The following SGCG variants were observed in gnomAD, a reference collection of about 807,000 sequenced individuals.
SGCG encodes sarcoglycan gamma.
In SGCG, 26 loss-of-function variants were observed where a neutral mutation model predicts 29.3. The observed-to-expected ratio is 0.89, with a 90% CI of 0.65 to 1.23. The LOEUF (loss-of-function observed/expected upper bound fraction) is 1.23, where lower values mean the gene tolerates loss of function less well. SGCG is among the 50% of genes most tolerant of loss of function. SGCG has a pLI of 0.00. For synonymous variants in SGCG, 145 were observed against 129.7 expected (o/e 1.12, Z -0.80); for missense variants, 353 against 356.0 (o/e 0.99, Z 0.07).
intron 7 of SGCG, among the ~76,000 whole-genome samples, chr13:23,322,813 G>C (rs190165181): frequency 4.3e-4 from 58 of 136,114 alleles, no homozygotes; most frequent in African/African-American, 1.5e-3. Flanking sequence ...ACGTGGTGCC[G>C]CGGGCAGAGG....
In SGCG at chr13:23,305,747, G is replaced by A. The variant is rs552001789; in HGVS notation, c.578+10260G>A. Among the ~76,000 whole-genome samples the A allele has an allele frequency of 2.1e-3, 325 of 152,298 alleles. 1 individual carries two copies. The highest frequency in any genetic ancestry group is 3.4e-3 in the Middle Eastern group (1 of 294). ...ACAGTCTTTAGTAATTACAGAGATA[G>A]TCATGTATGTCTCTTAGATATATTA... On this transcript the variant is annotated intron_variant, in intron 6 of 7. Coordinates refer to ENST00000218867, the MANE Select transcript of SGCG (RefSeq NM_000231.3).
chr13:23,311,817 T>C (rs549388805), intron 6 of SGCG, among the ~76,000 whole-genome samples: 2 of 152,354 alleles, frequency 1.3e-5, no homozygotes, highest in South Asian at 4.1e-4. Context: ...AATAGATTTT[T>C]TTCATTGAAA....
the SGCG span, among the ~76,000 whole-genome samples, chr13:23,164,796 CT>C: frequency 6.6e-6 from 1 of 152,178 alleles, no homozygotes; most frequent in Non-Finnish European, 1.5e-5. Context: ...GCCAGCCCTG[CT>C]CCCTACCACT....
intron 5 of SGCG, among the ~76,000 whole-genome samples, chr13:23,285,435 C>A (rs892341170): frequency 3.9e-5 from 6 of 152,160 alleles, no homozygotes; most frequent in Admixed American, 6.5e-5. Flanking sequence ...ACTCAAACCT[C>A]AGTAATGGTG....
chr13:23,274,395 C>CTCTT (rs1377323937), intron 4 of SGCG, among the ~76,000 whole-genome samples: 11 of 85,228 alleles, frequency 1.3e-4, no homozygotes, highest in Non-Finnish European at 1.9e-4. Context: ...CTTTCTTTCT[C>CTCTT]TTTTTTTTTT....
At chr13:23,320,841 T>A in intron 7 of SGCG, 81 bp downstream of exon 7, 1 of 1,420,664 alleles carries the variant, frequency 7.0e-7, no homozygotes, top group Non-Finnish European at 9.9e-7. Flanking sequence ...CTATCAGTAT[T>A]AAATTTCTAG....
chr13:23,232,105 C>A (rs9510640), intron 2 of SGCG, among the ~76,000 whole-genome samples: 2 of 149,152 alleles, frequency 1.3e-5, no homozygotes, highest in African/African-American at 4.9e-5. Flanking sequence ...GGAGACAGAG[C>A]GAGATTCCAT....
chr13:23,310,078 CTTTTTTTTTTTTTT>C (rs144258130), intron 6 of SGCG, among the ~76,000 whole-genome samples: 1 of 60,780 alleles, frequency 1.6e-5, no homozygotes, highest in African/African-American at 6.8e-5. Context: ...TTGTTTTTCT[CTTTTTTTTTTTTTT>C]TTTTTTTTTT....
rs150910865 is a variant in SGCG, at chr13:23,241,820, T to C, written c.297+7108T>C. ...AACACCATACATCACATCAATAGAA[T>C]GAAGGACAAAAACCATTTGGTCATC... On this transcript the variant is annotated intron_variant, in intron 3 of 7. Transcript: ENST00000218867. 5.8e-4 allele frequency among the ~76,000 whole-genome samples: 88 copies of C among 152,172 alleles called. No homozygotes were observed. The East Asian group carries it at 0.013, about 23-fold the overall frequency.
rs1201131052 is a variant in SGCG at position 23,192,174 on chromosome 13, CAA to C, written c.-1+11115_-1+11116del. Among the ~76,000 whole-genome samples, 71 of 112,820 alleles carry C rather than the reference CAA, an allele frequency of 6.3e-4. 1 individual carries two copies. The highest frequency in any genetic ancestry group is 2.6e-3 in the South Asian group (10 of 3,844). The allele number at this position is 112,820 out of a possible 152,430, so 74.0% of individuals were successfully genotyped here. ...TGGGCGACAGAGTGAGACTGCGTCC[CAA>C]AAAAAAAAAAAAAAATGAAGGAAGT... On this transcript the variant is annotated intron_variant, in intron 1 of 7. Transcript: ENST00000218867.
At chr13:23,228,951 A>T (rs1593185186) in intron 2 of SGCG, among the ~76,000 whole-genome samples, 1 of 150,914 alleles carries the variant, frequency 6.6e-6, no homozygotes, top group Admixed American at 6.6e-5. Context: ...GCTCACTGCA[A>T]CCTCCACCTC....
At position 23,324,481 on chromosome 13, in the gene SGCG, G is replaced by T. The variant is rs2137534248; in HGVS notation, c.816G>T (p.Leu272=). The stretch of plus-strand genomic sequence containing the variant: ...TCTGTGTGTGTCCAGATGGGAAGCT[G>T]TACCTGTCTGTGGCCGGTGTGAGCA... ...YEICVCPDGK[L]YLSVAGVSTT... The change falls in exon 8 of 8, where the codon CTG becomes CTT. Residue 272 remains leucine, a synonymous_variant. Coordinates refer to ENST00000218867, the MANE Select transcript of SGCG (RefSeq NM_000231.3). 6.2e-7 allele frequency: 1 copy of T among 1,613,776 alleles called. No individual in the cohort carries two copies. Among genetic ancestry groups the T allele is most frequent in the East Asian group, 2.2e-5 (1 of 44,860 alleles).
chr13:23,268,275 G>A (rs949527239), intron 4 of SGCG: 3 of 152,194 alleles, frequency 2.0e-5, no homozygotes, highest in African/African-American at 7.2e-5. Flanking sequence ...GGGGTGTCAT[G>A]ACAGTAGGAA....
chr13:23,309,146 G>T (rs1195443414), intron 6 of SGCG, among the ~76,000 whole-genome samples: 2 of 151,954 alleles, frequency 1.3e-5, no homozygotes, highest in African/African-American at 4.8e-5. Flanking sequence ...AATTTTCAAA[G>T]TGATTATTAT....
intron 2 of SGCG, among the ~76,000 whole-genome samples, chr13:23,223,705 T>G (rs1432402865): frequency 6.6e-6 from 1 of 152,184 alleles, no homozygotes; most frequent in East Asian, 1.9e-4. Context: ...GGCTCATGCC[T>G]GTAATCCCAG....
intron 2 of SGCG, among the ~76,000 whole-genome samples, chr13:23,223,483 ATAAAATTT>A (rs1878767313): frequency 6.6e-6 from 1 of 152,186 alleles, no homozygotes; most frequent in Non-Finnish European, 1.5e-5. Context: ...GTTAAAAAGA[ATAAAATTT>A]TAAAGATTAG....
Position 23,279,709 on chromosome 13 carries a change from C to CCCTTCCTTCCTTCCTTCCTTCCTTCCTT in SGCG, c.505+242_505+243insTCCTTCCTTCCTTCCTTCCTTCCTTCCT, listed in dbSNP as rs146797198. On this transcript the variant is annotated intron_variant, in intron 5 of 7. Transcript: ENST00000218867. ...CTTCCATCACAGTTTTACCCTTTGT[C>CCCTTCCTTCCTTCCTTCCTTCCTTCCTT]CCTTCCTTCCTCCCTTCCTTCTTTT... Among the ~76,000 whole-genome samples the CCCTTCCTTCCTTCCTTCCTTCCTTCCTT allele has an allele frequency of 5.7e-3, 848 of 148,136 alleles. 13 individuals are homozygous for CCCTTCCTTCCTTCCTTCCTTCCTTCCTT. Among genetic ancestry groups the CCCTTCCTTCCTTCCTTCCTTCCTTCCTT allele is most frequent in the African/African-American group, 0.017 (705 of 40,996 alleles).
At chr13:23,255,022 G>T (rs1165826743) in intron 4 of SGCG, among the ~76,000 whole-genome samples, 4 of 152,238 alleles carry the variant, frequency 2.6e-5, no homozygotes, top group African/African-American at 9.6e-5. Context: ...CAAAGATACT[G>T]TACTAGAACA....
At chr13:23,218,275 T>C (rs1045677029) in intron 2 of SGCG, among the ~76,000 whole-genome samples, 3 of 152,188 alleles carry the variant, frequency 2.0e-5, no homozygotes, top group African/African-American at 7.2e-5. Flanking sequence ...GAAAATGGGC[T>C]AGAAGAAAAA....
Sources: gnomAD v4.1 joint callset for allele counts (sites outside exome capture counted in the v4.1 genomes callset) on GRCh38, gnomAD v4.1.1 for gene constraint, MANE v1.5 for transcripts, NCBI Gene and HGNC (gene_info 2026-07-23, HGNC 2026-07-21) for gene names.